GALNT13: variants seen among roughly 807,000 people sequenced by gnomAD.
GALNT13 encodes UDP-GalNAc:polypeptide N-acetylgalactosaminyltransferase 13.
GALNT13 carries 28 observed loss-of-function variants against 64.2 expected under a neutral mutation model. That is an observed-to-expected ratio of 0.44 (90% CI 0.32 to 0.60). The LOEUF (loss-of-function observed/expected upper bound fraction) is 0.60, where lower values mean the gene tolerates loss of function less well. Ranked by LOEUF, GALNT13 falls within the 20% of genes least tolerant of loss-of-function variation. The pLI is 0.05. For missense variants in GALNT13, 577 were observed against 669.8 expected (o/e 0.86, Z 1.53); for synonymous variants, 214 against 224.6 (o/e 0.95, Z 0.42).
At chr2:153,153,994 G>A in the GALNT13 span, among the ~76,000 whole-genome samples, 1 of 149,586 alleles carries the variant, frequency 6.7e-6, no homozygotes, top group Non-Finnish European at 1.5e-5. Context: ...GAGCAGTATG[G>A]CCATTTCATG....
At chr2:153,440,430 T>C in the GALNT13 span, among the ~76,000 whole-genome samples, 1 of 152,204 alleles carries the variant, frequency 6.6e-6, no homozygotes, top group African/African-American at 2.4e-5. Context: ...TGTGTCTTTA[T>C]AGTTGAATGA....
intron 10 of GALNT13, among the ~76,000 whole-genome samples, chr2:154,397,886 G>A (rs1295094428): frequency 6.6e-6 from 1 of 152,138 alleles, no homozygotes; most frequent in Non-Finnish European, 1.5e-5. Flanking sequence ...TAGTCACTTA[G>A]TCCCGTACCT....
At chr2:154,069,887 C>A (rs866239819) in intron 3 of GALNT13, among the ~76,000 whole-genome samples, 2 of 152,054 alleles carry the variant, frequency 1.3e-5, no homozygotes, top group African/African-American at 4.8e-5. Context: ...AAGTAACTAG[C>A]ACATTTCAAG....
At chr2:153,254,596 G>A in the GALNT13 span, among the ~76,000 whole-genome samples, 2 of 151,976 alleles carry the variant, frequency 1.3e-5, no homozygotes, top group Non-Finnish European at 2.9e-5. Flanking sequence ...GCTTTCTCTT[G>A]TGGGCATTTA....
chr2:154,420,342 A>G (rs964077518), intron 11 of GALNT13, among the ~76,000 whole-genome samples: 2 of 152,102 alleles, frequency 1.3e-5, no homozygotes, highest in African/African-American at 4.8e-5. Flanking sequence ...TGCTGACTTT[A>G]CCAAGATGAA....
At chr2:154,213,533 A>G (rs941929724) in intron 4 of GALNT13, among the ~76,000 whole-genome samples, 3 of 152,156 alleles carry the variant, frequency 2.0e-5, no homozygotes, top group African/African-American at 7.2e-5. Context: ...TATCTGGAAG[A>G]TAGCAGATTA....
the GALNT13 span, among the ~76,000 whole-genome samples, chr2:153,100,954 G>A: frequency 2.0e-5 from 3 of 152,048 alleles, no homozygotes; most frequent in East Asian, 1.9e-4. Context: ...GCTGGAACCC[G>A]AGAGGCAGAG....
intron 8 of GALNT13, among the ~76,000 whole-genome samples, chr2:154,263,945 AT>A (rs1317934176): frequency 2.6e-5 from 4 of 152,216 alleles, no homozygotes; most frequent in Admixed American, 1.3e-4. Flanking sequence ...AAGCCTTACA[AT>A]TGCCTCGGCT....
chr2:154,347,869 G>T (rs1696159654), intron 9 of GALNT13, among the ~76,000 whole-genome samples: 1 of 152,102 alleles, frequency 6.6e-6, no homozygotes, highest in South Asian at 2.1e-4. Context: ...GAAATTAGTG[G>T]ATCTGGCTTC....
At chr2:153,422,392 G>C in the GALNT13 span, among the ~76,000 whole-genome samples, 1 of 152,172 alleles carries the variant, frequency 6.6e-6, no homozygotes, top group Admixed American at 6.5e-5. Flanking sequence ...TCAGGGGCTG[G>C]AGGGAAGAGG....
the GALNT13 span, among the ~76,000 whole-genome samples, chr2:153,539,986 C>T: frequency 6.6e-6 from 1 of 152,158 alleles, no homozygotes; most frequent in Non-Finnish European, 1.5e-5. Flanking sequence ...GAAATTCAAG[C>T]CAGCTGCAGA....
chr2:154,270,441 C>T (rs1483489166), intron 8 of GALNT13, among the ~76,000 whole-genome samples: 1 of 151,660 alleles, frequency 6.6e-6, no homozygotes, highest in African/African-American at 2.4e-5. Flanking sequence ...GTCGGTACCA[C>T]CCATAATTCG....
the GALNT13 span, among the ~76,000 whole-genome samples, chr2:153,806,533 A>C: frequency 6.6e-6 from 1 of 152,208 alleles, no homozygotes; most frequent in African/African-American, 2.4e-5. Flanking sequence ...CAATTTAAGC[A>C]TTGAATATCA....
chr2:153,187,851 CA>C, the GALNT13 span, among the ~76,000 whole-genome samples: 1 of 151,978 alleles, frequency 6.6e-6, no homozygotes, highest in Non-Finnish European at 1.5e-5. Flanking sequence ...TATTAACATA[CA>C]AAACTTAACA....
intron 3 of GALNT13, among the ~76,000 whole-genome samples, chr2:153,954,215 T>C (rs1692406818): frequency 1.3e-5 from 2 of 152,254 alleles, no homozygotes; most frequent in South Asian, 4.1e-4. Flanking sequence ...TTAAAATATA[T>C]GGCTTCATCT....
intron 4 of GALNT13, among the ~76,000 whole-genome samples, chr2:154,145,884 A>G (rs1683563205): frequency 6.6e-6 from 1 of 152,042 alleles, no homozygotes; most frequent in African/African-American, 2.4e-5. Flanking sequence ...CATTGATTGC[A>G]CAAAGGAGAA....
chr2:154,114,227 A>T (rs1048589681), intron 3 of GALNT13, among the ~76,000 whole-genome samples: 1 of 152,052 alleles, frequency 6.6e-6, no homozygotes, highest in Admixed American at 6.6e-5. Flanking sequence ...TTCCCACCAT[A>T]ATATCCCTCA....
chr2:153,501,473 A>T, the GALNT13 span, among the ~76,000 whole-genome samples: 1 of 152,138 alleles, frequency 6.6e-6, no homozygotes, highest in Admixed American at 6.5e-5. Context: ...CCAGAATTAC[A>T]GGCGCAAACC....
At chr2:154,125,303 A>G (rs1227001335) in intron 3 of GALNT13, among the ~76,000 whole-genome samples, 3 of 152,182 alleles carry the variant, frequency 2.0e-5, no homozygotes, top group Non-Finnish European at 2.9e-5. Context: ...AGGTAGAGCT[A>G]TGGAATATGT....
Sources: allele counts gnomAD v4.1 joint callset (sites outside exome capture counted in the v4.1 genomes callset), GRCh38; gene constraint gnomAD v4.1.1; transcripts MANE v1.5; gene names NCBI Gene and HGNC (gene_info 2026-07-23, HGNC 2026-07-21).